Variants in CNTNAP5 observed in about 807,000 individuals in gnomAD.
CNTNAP5 encodes contactin-associated protein-like 5.
A neutral mutation model predicts 150.2 loss-of-function variants in CNTNAP5; 72 were observed. The ratio of observed to expected loss-of-function variants is 0.48; its 90% confidence interval spans 0.40 to 0.58. The LOEUF (loss-of-function observed/expected upper bound fraction) is 0.58. Among genes scored for constraint, CNTNAP5 ranks in the 20% least tolerant of loss-of-function variants. The pLI, the probability that CNTNAP5 is intolerant of heterozygous loss-of-function variation, is 0.00. For missense variants in CNTNAP5, 1,636 were observed against 1,626.2 expected, an observed-to-expected ratio of 1.01 and a Z score of -0.10; for synonymous variants, 672 against 619.8, an observed-to-expected ratio of 1.08 and a Z score of -1.25.
At position 124,527,472 on chromosome 2, in the gene CNTNAP5, TCTC is replaced by T; in HGVS notation, c.1649+20_1649+22del. On this transcript the variant is annotated intron_variant, in intron 10 of 23. Transcript: ENST00000682447. ...TCAAAGACAGGTAATTATTGTCTCTTCTCCTCTGTTCTGCCACCCCCTTCCCAT... is the reference window on the plus strand; with the variant it reads ...TCAAAGACAGGTAATTATTGTCTCTTCTCTGTTCTGCCACCCCCTTCCCAT... 8 of 1,589,254 alleles carry T rather than the reference TCTC, an allele frequency of 5.0e-6. No homozygotes were observed. Among genetic ancestry groups the T allele is most frequent in the South Asian group, 1.1e-5 (1 of 88,160 alleles).
intron 19 of CNTNAP5, 100 bp downstream of exon 19, chr2:124,798,420 C>A: frequency 1.2e-6 from 1 of 816,036 alleles, no homozygotes; most frequent in Non-Finnish European, 2.0e-6. Flanking sequence ...CAAGTTGGTC[C>A]CATCTGGGAA....
At chr2:124,668,387 C>T (rs1426495831) in intron 13 of CNTNAP5, among the ~76,000 whole-genome samples, 4 of 152,154 alleles carry the variant, frequency 2.6e-5, no homozygotes, top group Non-Finnish European at 5.9e-5. Flanking sequence ...GCATGACAAG[C>T]ATTCCAGAGG....
intron 13 of CNTNAP5, among the ~76,000 whole-genome samples, chr2:124,709,557 A>G (rs1245679267): frequency 6.6e-6 from 1 of 152,172 alleles, no homozygotes; most frequent in Non-Finnish European, 1.5e-5. Context: ...TGCTTGAGGA[A>G]CAGAGATTTG....
intron 3 of CNTNAP5, among the ~76,000 whole-genome samples, chr2:124,407,134 T>C (rs1691591961): frequency 6.6e-6 from 1 of 152,188 alleles, no homozygotes; most frequent in African/African-American, 2.4e-5. Context: ...TTGTAAGTAG[T>C]GCTGTGATAA....
At chr2:124,292,231 C>T (rs1688314306) in intron 3 of CNTNAP5, among the ~76,000 whole-genome samples, 1 of 151,984 alleles carries the variant, frequency 6.6e-6, no homozygotes, top group South Asian at 2.1e-4. Context: ...TTCCCAGTAT[C>T]TTTAAGACCC....
chr2:124,070,396 G>GAAAAAAAA (rs70996039), intron 1 of CNTNAP5, among the ~76,000 whole-genome samples: 2 of 72,964 alleles, frequency 2.7e-5, no homozygotes, highest in Non-Finnish European at 5.0e-5. Flanking sequence ...GCTGAATGGG[G>GAAAAAAAA]AAAAAAAAAA....
intron 10 of CNTNAP5, among the ~76,000 whole-genome samples, chr2:124,546,253 C>G (rs1695508369): frequency 6.6e-6 from 1 of 152,112 alleles, no homozygotes; most frequent in South Asian, 2.1e-4. Flanking sequence ...AGCTATACTT[C>G]CAGTTCTGCC....
chr2:124,248,237 A>AG (rs1687079537), intron 3 of CNTNAP5, among the ~76,000 whole-genome samples: 1 of 152,190 alleles, frequency 6.6e-6, no homozygotes, highest in Admixed American at 6.5e-5. Flanking sequence ...TACCCAGGGC[A>AG]GGGATATATC....
intron 12 of CNTNAP5, among the ~76,000 whole-genome samples, chr2:124,636,640 CTG>C (rs374829931): frequency 6.6e-6 from 1 of 151,224 alleles, no homozygotes; most frequent in African/African-American, 2.4e-5. Context: ...CTCCTTAACT[CTG>C]TGTGTGTGTG....
intron 5 of CNTNAP5, among the ~76,000 whole-genome samples, chr2:124,438,738 T>A (rs555394683): frequency 1.3e-5 from 2 of 152,368 alleles, no homozygotes; most frequent in South Asian, 4.1e-4. Context: ...ATTTATGGAA[T>A]GTTTATCATG....
chr2:124,322,105 G>GA, intron 3 of CNTNAP5, among the ~76,000 whole-genome samples: 1 of 151,854 alleles, frequency 6.6e-6, no homozygotes, highest in South Asian at 2.1e-4. Context: ...AGCCAAGATT[G>GA]CACCACTGCA....
chr2:124,708,475 G>A lies in CNTNAP5; in HGVS notation c.2078-38754G>A, dbSNP rs73953186. 5.4e-3 allele frequency among the ~76,000 whole-genome samples: 820 copies of A among 152,126 alleles called. 7 individuals are homozygous for A. The highest frequency in any genetic ancestry group is 0.018 in the African/African-American group (744 of 41,494). ...CCTGCTGGTGCTTCTATTGGCGGGC[G>A]GACATGGGAACCTGGCAGTGCAATC... On this transcript the variant is annotated intron_variant, in intron 13 of 23. Transcript: ENST00000682447.
chr2:124,529,770 G>A (rs75308168), intron 10 of CNTNAP5, among the ~76,000 whole-genome samples: 2,484 of 152,260 alleles, frequency 0.016, 51 homozygotes, highest in African/African-American at 0.054. Flanking sequence ...TGTCTGGAAA[G>A]CCCACAGAGG....
chr2:124,680,931 T>C (rs1387540801), intron 13 of CNTNAP5: 1 of 151,668 alleles, frequency 6.6e-6, no homozygotes, highest in African/African-American at 2.4e-5. Context: ...GTAACTTTTA[T>C]TTGGAGTTGC....
intron 1 of CNTNAP5, among the ~76,000 whole-genome samples, chr2:124,210,269 A>G (rs181368362): frequency 1.5e-3 from 231 of 152,326 alleles, no homozygotes; most frequent in Middle Eastern, 0.014. Flanking sequence ...AAAGACGAGA[A>G]GCTTTAAATA....
intron 12 of CNTNAP5, among the ~76,000 whole-genome samples, chr2:124,638,500 G>A (rs1006780580): frequency 6.6e-6 from 1 of 152,048 alleles, no homozygotes; most frequent in African/African-American, 2.4e-5. Flanking sequence ...TCAATTTAAT[G>A]TACAGCTAGG....
At chr2:124,076,713 C>A (rs12475898) in intron 1 of CNTNAP5, among the ~76,000 whole-genome samples, 42,479 of 151,974 alleles carry the variant, frequency 0.28, 6,358 homozygotes, top group Admixed American at 0.36. Flanking sequence ...GAATTCCTTT[C>A]TAATCTGTAG....
chr2:124,158,403 T>A (rs988252380), intron 1 of CNTNAP5, among the ~76,000 whole-genome samples: 4 of 152,210 alleles, frequency 2.6e-5, no homozygotes, highest in African/African-American at 9.7e-5. Flanking sequence ...CATCTTCCCC[T>A]TTTCTTTAAA....
intron 3 of CNTNAP5, among the ~76,000 whole-genome samples, chr2:124,404,419 C>T (rs1482978676): frequency 6.6e-6 from 1 of 152,202 alleles, no homozygotes; most frequent in Non-Finnish European, 1.5e-5. Flanking sequence ...TGGCAGCCAG[C>T]TCAGACCTGT....
Sources: gnomAD v4.1 joint callset for allele counts (sites outside exome capture counted in the v4.1 genomes callset) on GRCh38, gnomAD v4.1.1 for gene constraint, MANE v1.5 for transcripts, NCBI Gene and HGNC (gene_info 2026-07-23, HGNC 2026-07-21) for gene names.